The following DLG1 variants were observed in gnomAD, a reference collection of about 807,000 sequenced individuals.
The protein encoded by DLG1 is discs large MAGUK scaffold protein 1, also known as disks large homolog 1.
DLG1 carries 42 observed loss-of-function variants against 123.4 expected under a neutral mutation model. The ratio of observed to expected loss-of-function variants is 0.34; its 90% CI spans 0.27 to 0.44. The LOEUF is 0.44. Ranked by LOEUF, DLG1 falls within the 20% of genes least tolerant of loss-of-function variation. The pLI, the probability that DLG1 is intolerant of heterozygous loss-of-function variation, is 1.00. For missense variants in DLG1, 942 were observed against 1,082.6 expected (o/e 0.87, Z 1.82); for synonymous variants, 317 against 356.2 (o/e 0.89, Z 1.24).
intron 22 of DLG1, among the ~76,000 whole-genome samples, chr3:197,064,078 C>T (rs1737754544): frequency 6.6e-6 from 1 of 151,750 alleles, no homozygotes; most frequent in Non-Finnish European, 1.5e-5. Context: ...CACCACCACG[C>T]CAAGTTAATT....
chr3:197,262,123 T>TA (rs1446859869), intron 4 of DLG1, among the ~76,000 whole-genome samples: 7 of 152,124 alleles, frequency 4.6e-5, no homozygotes, highest in Admixed American at 3.9e-4. Context: ...TGAGGTAACT[T>TA]AAAGTGAGAC....
At chr3:197,109,388 CA>C (rs374414060) in intron 13 of DLG1, among the ~76,000 whole-genome samples, 22 of 152,276 alleles carry the variant, frequency 1.4e-4, no homozygotes, top group African/African-American at 4.8e-4. Context: ...AGTAAACAAA[CA>C]AACATTTTAT....
At chr3:197,054,770 A>C (rs531821946) in intron 23 of DLG1, among the ~76,000 whole-genome samples, 1 of 151,840 alleles carries the variant, frequency 6.6e-6, no homozygotes, top group Non-Finnish European at 1.5e-5. Flanking sequence ...TCAGCTTTGC[A>C]TGTAGCTGGG....
chr3:197,225,199 C>T (rs527521046), intron 4 of DLG1, among the ~76,000 whole-genome samples: 1 of 152,326 alleles, frequency 6.6e-6, no homozygotes, highest in South Asian at 2.1e-4. Context: ...ACCTCATGAT[C>T]TACCTGCCTC....
chr3:197,124,950 A>G (rs1419619991), intron 11 of DLG1, among the ~76,000 whole-genome samples: 2 of 152,098 alleles, frequency 1.3e-5, no homozygotes, highest in Admixed American at 1.3e-4. Context: ...CAAGAGAGAG[A>G]AGGGACAGCT....
chr3:197,178,730 G>C (rs1166739111), intron 5 of DLG1, among the ~76,000 whole-genome samples: 1 of 152,226 alleles, frequency 6.6e-6, no homozygotes, highest in Admixed American at 6.5e-5. Flanking sequence ...CGAGTCAAAG[G>C]AGAAAAAAGA....
intron 5 of DLG1, among the ~76,000 whole-genome samples, chr3:197,163,687 ATTTTTTTTTTTT>A (rs56865627): frequency 9.8e-6 from 1 of 102,034 alleles, no homozygotes; most frequent in Non-Finnish European, 1.9e-5. Flanking sequence ...ATGCTCAGCT[ATTTTTTTTTTTT>A]TTTTTTTTTT....
chr3:197,173,645 T>G (rs193156699), intron 5 of DLG1, among the ~76,000 whole-genome samples: 6 of 152,316 alleles, frequency 3.9e-5, no homozygotes, highest in African/African-American at 1.2e-4. Context: ...AAATACATAC[T>G]GCATCAATCC....
At chr3:197,045,058 G>GA (rs1409479913) in intron 24 of DLG1, among the ~76,000 whole-genome samples, 1 of 150,428 alleles carries the variant, frequency 6.6e-6, no homozygotes, top group Admixed American at 6.6e-5. Flanking sequence ...AACATATGTA[G>GA]AAAAAAGGAA....
intron 4 of DLG1, among the ~76,000 whole-genome samples, chr3:197,235,980 C>A (rs774375023): frequency 2.6e-5 from 4 of 151,992 alleles, no homozygotes; most frequent in Non-Finnish European, 4.4e-5. Context: ...GGAAAAAAAA[C>A]CTGTCAACCC....
chr3:197,209,240 G>A (rs1338931255), intron 4 of DLG1, among the ~76,000 whole-genome samples: 1 of 146,314 alleles, frequency 6.8e-6, no homozygotes, highest in Admixed American at 6.9e-5. Context: ...GAAAGCTAAA[G>A]TGCCTATATT....
intron 5 of DLG1, among the ~76,000 whole-genome samples, chr3:197,193,079 C>G (rs1441337254): frequency 6.6e-6 from 1 of 152,034 alleles, no homozygotes; most frequent in Non-Finnish European, 1.5e-5. Context: ...TGATATCACT[C>G]CTCAAAGAGA....
intron 5 of DLG1, among the ~76,000 whole-genome samples, chr3:197,185,772 G>A (rs1389296007): frequency 6.6e-6 from 1 of 152,166 alleles, no homozygotes; most frequent in Non-Finnish European, 1.5e-5. Context: ...TTCTGAATTA[G>A]TATGGATGAA....
chr3:197,125,408 C>A (rs1039765621), intron 11 of DLG1, among the ~76,000 whole-genome samples: 1 of 151,874 alleles, frequency 6.6e-6, no homozygotes, highest in Non-Finnish European at 1.5e-5. Context: ...GATTCTGCTG[C>A]GAAGAAGAAG....
intron 5 of DLG1, among the ~76,000 whole-genome samples, chr3:197,184,401 A>C (rs1468129472): frequency 1.4e-4 from 21 of 152,238 alleles, no homozygotes; most frequent in Non-Finnish European, 2.4e-4. Flanking sequence ...CACTAAAAGA[A>C]TCTTTGTCAT....
intron 5 of DLG1, among the ~76,000 whole-genome samples, chr3:197,158,387 C>T (rs540689308): frequency 6.6e-6 from 1 of 150,616 alleles, no homozygotes; most frequent in African/African-American, 2.4e-5. Context: ...CTTTGGGAGG[C>T]CGAGGCAGGC....
chr3:197,173,318 C>T (rs558537181), intron 5 of DLG1, among the ~76,000 whole-genome samples: 116 of 152,156 alleles, frequency 7.6e-4, no homozygotes, highest in Non-Finnish European at 1.0e-3. Flanking sequence ...GATGACCTCA[C>T]TGATGTAATT....
chr3:197,176,162 TAA>T (rs1325077111), intron 5 of DLG1, among the ~76,000 whole-genome samples: 1 of 152,162 alleles, frequency 6.6e-6, no homozygotes, highest in African/African-American at 2.4e-5. Context: ...TAATCTACAT[TAA>T]GACACCAATT....
At position 197,085,755 on chromosome 3, in the gene DLG1, C is replaced by T. The variant is rs1248730462; in HGVS notation, c.1663G>A (p.Ala555Thr). 2 of 1,608,588 alleles carry T rather than the reference C, an allele frequency of 1.2e-6. No homozygotes were observed. Among genetic ancestry groups the T allele is most frequent in the South Asian group, 1.1e-5 (1 of 90,116 alleles). ...TTAGTCTTGTCATAATCAAAAAGGG[C>T]TCTAGAGTCAGAAGAAAAAAAGTCC... ...TSQKRSLYVR[A>T]LFDYDKTKDS... Residue 555 changes from alanine (A) to threonine (T), a missense_variant and splice_region_variant, in exon 16 of 25, where the codon GCC becomes ACC. Coordinates refer to ENST00000667157, the MANE Select transcript of DLG1 (RefSeq NM_001366207.1).
Sources: allele counts gnomAD v4.1 joint callset (sites outside exome capture counted in the v4.1 genomes callset), GRCh38; gene constraint gnomAD v4.1.1; transcripts MANE v1.5; gene names NCBI Gene and HGNC (gene_info 2026-07-23, HGNC 2026-07-21).